Variants in ATP6V0A4 observed in about 807,000 individuals in gnomAD.
ATP6V0A4 encodes the protein V-type proton ATPase 116 kDa subunit a 4.
A neutral mutation model predicts 107.3 loss-of-function variants in ATP6V0A4; 86 were observed. The ratio of observed to expected loss-of-function variants is 0.80; its 90% confidence interval spans 0.67 to 0.96. The LOEUF (loss-of-function observed/expected upper bound fraction) is 0.96, where lower values mean the gene tolerates loss of function less well. Among genes scored for constraint, ATP6V0A4 ranks in the 40% least tolerant of loss-of-function variants. The probability of loss-of-function intolerance (pLI) is 0.00; values close to 1 mark genes in which losing one functional copy is unlikely to be tolerated. For synonymous variants in ATP6V0A4, 353 were observed against 381.4 expected (o/e 0.93, Z 0.87); for missense variants, 908 against 1,045.6 (o/e 0.87, Z 1.81).
rs1806006236 is a variant in ATP6V0A4, at chr7:138,747,424, C to A, written c.1320+1G>T. ...GGGCAAGACGGTCAATGGACACTCA[C>A]CTCATTGTCTGTCTTCTGGGAGAGC... is the stretch of plus-strand genomic sequence containing the variant. On this transcript the variant is annotated splice_donor_variant, in intron 13 of 21. Coordinates refer to ENST00000310018, the MANE Select transcript of ATP6V0A4 (RefSeq NM_020632.3). LOFTEE classifies it high-confidence loss of function. 6.2e-7 allele frequency: 1 copy of A among 1,613,954 alleles called. No homozygotes were observed. Among genetic ancestry groups the A allele is most frequent in the Admixed American group, 1.7e-5 (1 of 60,004 alleles).
chr7:138,744,027 T>G (rs1256970249), intron 14 of ATP6V0A4, among the ~76,000 whole-genome samples: 1 of 152,134 alleles, frequency 6.6e-6, no homozygotes, highest in African/African-American at 2.4e-5. Context: ...AGGTTATGTT[T>G]CCATTCTGAA....
At chr7:138,767,606 T>C (rs998325159) in intron 5 of ATP6V0A4, among the ~76,000 whole-genome samples, 5 of 150,130 alleles carry the variant, frequency 3.3e-5, no homozygotes, top group South Asian at 4.2e-4. Context: ...TTTATACTAC[T>C]CATGGCTTTG....
At chr7:138,745,497 T>C in intron 13 of ATP6V0A4, among the ~76,000 whole-genome samples, 1 of 151,614 alleles carries the variant, frequency 6.6e-6, no homozygotes, top group Non-Finnish European at 1.5e-5. Context: ...TGGTATTTGT[T>C]ATCATGAAAC....
At position 138,796,324 on chromosome 7, in the gene ATP6V0A4, G is replaced by A. The variant is rs576974849; in HGVS notation, c.-121+1710C>T. Among the ~76,000 whole-genome samples the A allele has an allele frequency of 3.9e-5, 6 of 152,064 alleles. No individual in the cohort carries two copies. The South Asian group carries it at 6.2e-4, about 16-fold the overall frequency. ...CTGAAAATCACCCTTCCTAGGGCAC[G>A]TTGGCCCTATCCCCAAATCCAGGAA... On this transcript the variant is annotated intron_variant, in intron 1 of 21. Coordinates refer to ENST00000310018, the MANE Select transcript of ATP6V0A4 (RefSeq NM_020632.3).
intron 1 of ATP6V0A4, among the ~76,000 whole-genome samples, chr7:138,788,610 T>C (rs1808266925): frequency 6.6e-6 from 1 of 152,200 alleles, no homozygotes; most frequent in Admixed American, 6.5e-5. Context: ...ACTTTCCTTA[T>C]AGGAAAGTCA....
chr7:138,715,891 G>A lies in ATP6V0A4; in HGVS notation c.2140-10C>T, dbSNP rs757626056. 1.2e-5 allele frequency: 19 copies of A among 1,611,464 alleles called. No individual in the cohort carries two copies. Among genetic ancestry groups the A allele is most frequent in the East Asian group, 4.5e-5 (2 of 44,756 alleles). On this transcript the variant is annotated splice_polypyrimidine_tract_variant and intron_variant, in intron 19 of 21. Coordinates refer to ENST00000310018, the MANE Select transcript of ATP6V0A4 (RefSeq NM_020632.3). ...CGTCTCCAAAGTTGAACTGAAAGAC[G>A]GAATTGTTTATTTTACTTCATTGAG...
At chr7:138,707,191 A>ATATAATATAT (rs1803443218) in intron 21 of ATP6V0A4, among the ~76,000 whole-genome samples, 2 of 71,312 alleles carry the variant, frequency 2.8e-5, no homozygotes, top group Non-Finnish European at 4.7e-5. Flanking sequence ...AATATATTAT[A>ATATAATATAT]TATATTATAT....
At chr7:138,707,227 T>C (rs538912235) in intron 21 of ATP6V0A4, among the ~76,000 whole-genome samples, 1 of 81,794 alleles carries the variant, frequency 1.2e-5, no homozygotes, top group Non-Finnish European at 2.1e-5. Flanking sequence ...ATAGAATATA[T>C]TATATAATAT....
At chr7:138,765,699 T>G (rs1161022745) in intron 5 of ATP6V0A4, among the ~76,000 whole-genome samples, 1 of 152,178 alleles carries the variant, frequency 6.6e-6, no homozygotes, top group Non-Finnish European at 1.5e-5. Context: ...GAGCAATGAA[T>G]GGTAAAAGAT....
At chr7:138,796,778 G>A (rs993769560) in intron 1 of ATP6V0A4, among the ~76,000 whole-genome samples, 11 of 119,728 alleles carry the variant, frequency 9.2e-5, no homozygotes, top group Non-Finnish European at 2.1e-4. Flanking sequence ...TTTCTTCCGG[G>A]TTTGGTTCCC....
intron 5 of ATP6V0A4, among the ~76,000 whole-genome samples, chr7:138,767,929 T>TGTTG (rs1300557190): frequency 6.6e-6 from 1 of 152,024 alleles, no homozygotes; most frequent in Non-Finnish European, 1.5e-5. Flanking sequence ...GTGGTTTTTT[T>TGTTG]GTTTGTTTGT....
intron 21 of ATP6V0A4, among the ~76,000 whole-genome samples, chr7:138,707,068 A>ATGTGGGTGTGTGTGTGTG (rs1554385694): frequency 2.2e-5 from 2 of 90,090 alleles, no homozygotes; most frequent in African/African-American, 1.0e-4. Context: ...GCTAATTTAT[A>ATGTGGGTGTGTGTGTGTG]TGTGTGTGTG....
chr7:138,768,132 C>A (rs374476371), intron 5 of ATP6V0A4, among the ~76,000 whole-genome samples: 1 of 152,144 alleles, frequency 6.6e-6, no homozygotes, highest in Admixed American at 6.6e-5. Context: ...CAGGGTTTCA[C>A]CATGTTGGCC....
rs571397031 is a variant in ATP6V0A4 at position 138,780,854 on chromosome 7, G to A, written c.-18+5304C>T. ...CAGGAGGTTGAGACTGCTATGATCC[G>A]AGATCATGCCTCTGCACTCCAGCCT... On this transcript the variant is annotated intron_variant, in intron 2 of 21. Transcript: ENST00000310018. Among the ~76,000 whole-genome samples the A allele has an allele frequency of 1.4e-3, 208 of 151,926 alleles. 1 individual carries two copies. Among genetic ancestry groups the A allele is most frequent in the African/African-American group, 4.4e-3 (183 of 41,418 alleles).
At chr7:138,707,371 A>ATT (rs2117171710) in intron 21 of ATP6V0A4, among the ~76,000 whole-genome samples, 2 of 99,734 alleles carry the variant, frequency 2.0e-5, no homozygotes, top group South Asian at 5.4e-4. Context: ...TATTATATAT[A>ATT]TATTTATATA....
intron 1 of ATP6V0A4, among the ~76,000 whole-genome samples, chr7:138,788,435 A>C (rs6467804): frequency 0.58 from 87,758 of 152,004 alleles, 25,703 homozygotes; most frequent in African/African-American, 0.65. Context: ...TTGTTTGATG[A>C]CAGTAACTCA....
intron 11 of ATP6V0A4, among the ~76,000 whole-genome samples, chr7:138,751,871 C>A (rs765096059): frequency 6.6e-6 from 1 of 152,030 alleles, no homozygotes. Flanking sequence ...GGCATGGTGG[C>A]GCGTGCCTGT....
At chr7:138,725,738 C>A (rs1480493554) in intron 18 of ATP6V0A4, among the ~76,000 whole-genome samples, 1 of 152,084 alleles carries the variant, frequency 6.6e-6, no homozygotes, top group East Asian at 1.9e-4. Context: ...GTCTCGAACT[C>A]CTGACCTCAG....
intron 17 of ATP6V0A4, among the ~76,000 whole-genome samples, chr7:138,730,931 C>CTTCTTCTTCTTCTTTT (rs1554392929): frequency 8.1e-6 from 1 of 123,758 alleles, no homozygotes; most frequent in African/African-American, 3.1e-5. Context: ...TCTTCTTCTT[C>CTTCTTCTTCTTCTTTT]TTTTTTTATT....
Sources: gnomAD v4.1 joint callset for allele counts (sites outside exome capture counted in the v4.1 genomes callset) on GRCh38, gnomAD v4.1.1 for gene constraint, MANE v1.5 for transcripts, NCBI Gene and HGNC (gene_info 2026-07-23, HGNC 2026-07-21) for gene names.